The following SPOCK1 variants were observed in gnomAD, a reference collection of about 807,000 sequenced individuals.
SPOCK1 encodes the protein testican-1.
A neutral mutation model predicts 55.3 loss-of-function variants in SPOCK1; 23 were observed. The ratio of observed to expected loss-of-function variants is 0.42; its 90% CI spans 0.30 to 0.59. The LOEUF (loss-of-function observed/expected upper bound fraction) is 0.59. Ranked by LOEUF, SPOCK1 falls within the 20% of genes least tolerant of loss-of-function variation. SPOCK1 has a pLI of 0.22. For synonymous variants in SPOCK1, 226 were observed against 221.0 expected (o/e 1.02, Z -0.20); for missense variants, 499 against 552.5 (o/e 0.90, Z 0.97).
At chr5:137,159,968 G>A (rs1312671589) in intron 3 of SPOCK1, among the ~76,000 whole-genome samples, 2 of 152,090 alleles carry the variant, frequency 1.3e-5, no homozygotes, top group Non-Finnish European at 2.9e-5. Flanking sequence ...AGGCAAATAA[G>A]TCTTTTTTTC....
intron 2 of SPOCK1, among the ~76,000 whole-genome samples, chr5:137,407,622 G>A (rs531137513): frequency 6.6e-6 from 1 of 152,086 alleles, no homozygotes; most frequent in Non-Finnish European, 1.5e-5. Flanking sequence ...CCACATTCTT[G>A]AGTCCAAACC....
chr5:137,291,410 C>T (rs1757367045), intron 2 of SPOCK1, among the ~76,000 whole-genome samples: 1 of 152,194 alleles, frequency 6.6e-6, no homozygotes, highest in Non-Finnish European at 1.5e-5. Flanking sequence ...GGGAGGGGCA[C>T]AGGCAGGTTG....
intron 2 of SPOCK1, among the ~76,000 whole-genome samples, chr5:137,414,960 G>T (rs144974124): frequency 7.7e-4 from 113 of 147,166 alleles, no homozygotes; most frequent in African/African-American, 2.6e-3. Flanking sequence ...AGACCTCCCT[G>T]AATCTGAATT....
chr5:137,376,352 G>C (rs542982405), intron 2 of SPOCK1, among the ~76,000 whole-genome samples: 35 of 152,306 alleles, frequency 2.3e-4, no homozygotes, highest in African/African-American at 8.4e-4. Flanking sequence ...CCTATTAAAA[G>C]GGAAGCCGGC....
intron 3 of SPOCK1, among the ~76,000 whole-genome samples, chr5:137,205,828 C>T (rs1430388873): frequency 6.6e-6 from 1 of 152,232 alleles, no homozygotes; most frequent in Non-Finnish European, 1.5e-5. Flanking sequence ...TTGCATAGCA[C>T]TTACATGTAC....
At chr5:137,366,188 G>A (rs1254936528) in intron 2 of SPOCK1, among the ~76,000 whole-genome samples, 1 of 152,150 alleles carries the variant, frequency 6.6e-6, no homozygotes, top group Non-Finnish European at 1.5e-5. Context: ...TACTCCCCCA[G>A]TGCTCCAAGA....
intron 3 of SPOCK1, among the ~76,000 whole-genome samples, chr5:137,182,891 T>A (rs1004290007): frequency 6.6e-6 from 1 of 152,028 alleles, no homozygotes; most frequent in Admixed American, 6.5e-5. Flanking sequence ...AGGTCACCAA[T>A]CTCCATGGAG....
chr5:137,237,118 C>T lies in SPOCK1; in HGVS notation c.232+29892G>A, dbSNP rs758721891. On this transcript the variant is annotated intron_variant, in intron 3 of 10. Coordinates refer to ENST00000394945, the MANE Select transcript of SPOCK1 (RefSeq NM_004598.4). ...GATGCCAATGGAATGAATTCTGCAC[C>T]GAAAGGGAAGGGCAAGCAACTGGTA... 5.9e-5 allele frequency among the ~76,000 whole-genome samples: 9 copies of T among 152,146 alleles called. No homozygotes were observed. The East Asian group carries it at 7.7e-4, about 13-fold the overall frequency.
chr5:137,149,843 G>A (rs1168176081), intron 3 of SPOCK1, among the ~76,000 whole-genome samples: 1 of 152,180 alleles, frequency 6.6e-6, no homozygotes. Flanking sequence ...TGAGAGGAGA[G>A]AGGCAGCTTT....
At chr5:137,074,535 A>G (rs555360218) in intron 5 of SPOCK1, among the ~76,000 whole-genome samples, 3 of 152,316 alleles carry the variant, frequency 2.0e-5, no homozygotes, top group Non-Finnish European at 4.4e-5. Flanking sequence ...TTGTGTTTTG[A>G]GACTGAGTTT....
At chr5:137,240,184 A>G (rs992252724) in intron 3 of SPOCK1, among the ~76,000 whole-genome samples, 1 of 152,200 alleles carries the variant, frequency 6.6e-6, no homozygotes, top group Non-Finnish European at 1.5e-5. Context: ...AAGACATACC[A>G]TGTTCTTGGA....
At chr5:137,087,423 G>A (rs553735234) in intron 5 of SPOCK1, among the ~76,000 whole-genome samples, 1 of 152,374 alleles carries the variant, frequency 6.6e-6, no homozygotes, top group South Asian at 2.1e-4. Context: ...GATCACAGAA[G>A]TAAAGTGCTT....
chr5:137,498,646 G>A, intron 1 of SPOCK1, 88 bp from the exon 2 acceptor site: 3 of 1,131,002 alleles, frequency 2.7e-6, no homozygotes, highest in Non-Finnish European at 3.3e-6. Context: ...CCCCAGCCCG[G>A]AGGCGGGGAC....
intron 2 of SPOCK1, among the ~76,000 whole-genome samples, chr5:137,491,917 T>C (rs373720034): frequency 6.6e-6 from 1 of 152,222 alleles, no homozygotes; most frequent in African/African-American, 2.4e-5. Context: ...ATAACAGTGC[T>C]ATAGGAATTG....
At position 137,199,492 on chromosome 5, in the gene SPOCK1, C is replaced by T. The variant is rs538128769; in HGVS notation, c.233-58798G>A. Among the ~76,000 whole-genome samples the T allele has an allele frequency of 3.8e-4, 58 of 152,206 alleles. 1 individual carries two copies. The highest frequency in any genetic ancestry group is 7.4e-4 in the Non-Finnish European group (50 of 68,022). On this transcript the variant is annotated intron_variant, in intron 3 of 10. Transcript: ENST00000394945. Reference sequence around the variant, plus strand: ...AGGATGGTGCTCACCTCTCTGTGGCCGCTACTGAAACCTCATGAGCTCTGA... The same window carrying T: ...AGGATGGTGCTCACCTCTCTGTGGCTGCTACTGAAACCTCATGAGCTCTGA...
At chr5:137,186,366 A>G (rs1755069777) in intron 3 of SPOCK1, among the ~76,000 whole-genome samples, 1 of 152,172 alleles carries the variant, frequency 6.6e-6, no homozygotes, top group African/African-American at 2.4e-5. Context: ...GATTGCATCA[A>G]TGGCTAGACA....
chr5:137,423,541 C>G (rs1360945057), intron 2 of SPOCK1, among the ~76,000 whole-genome samples: 1 of 152,192 alleles, frequency 6.6e-6, no homozygotes, highest in East Asian at 1.9e-4. Context: ...GACTGCTGTG[C>G]TAGCAATGAG....
chr5:137,000,350 T>C (rs1751126155), intron 6 of SPOCK1, among the ~76,000 whole-genome samples: 1 of 152,152 alleles, frequency 6.6e-6, no homozygotes, highest in South Asian at 2.1e-4. Context: ...AATAACACTT[T>C]CCAGAGTCTG....
intron 2 of SPOCK1, among the ~76,000 whole-genome samples, chr5:137,386,567 G>C (rs1206324564): frequency 1.3e-5 from 2 of 152,150 alleles, no homozygotes; most frequent in African/African-American, 4.8e-5. Context: ...ATGGGTAAAA[G>C]GTAGTCTTTT....
Sources: allele counts gnomAD v4.1 joint callset (sites outside exome capture counted in the v4.1 genomes callset), GRCh38; gene constraint gnomAD v4.1.1; transcripts MANE v1.5; gene names NCBI Gene and HGNC (gene_info 2026-07-23, HGNC 2026-07-21).